Variants in ABI2 observed in about 807,000 individuals in gnomAD.
ABI2 encodes abelson interactor 2.
A neutral mutation model predicts 59.2 loss-of-function variants in ABI2; 25 were observed. That is an observed-to-expected ratio of 0.42 (90% CI 0.31 to 0.59). The LOEUF (loss-of-function observed/expected upper bound fraction) is 0.59, where lower values mean the gene tolerates loss of function less well. Ranked by LOEUF, ABI2 falls within the 20% of genes least tolerant of loss-of-function variation. ABI2 has a pLI of 0.14. For missense variants in ABI2, 545 were observed against 681.8 expected, an observed-to-expected ratio of 0.80 and a Z score of 2.23; for synonymous variants, 213 against 235.5, an observed-to-expected ratio of 0.90 and a Z score of 0.87.
At position 203,328,467 on chromosome 2, in the gene ABI2, C is replaced by G. The variant is rs924775736; in HGVS notation, c.-48C>G. The G allele has an allele frequency of 6.8e-7, 1 of 1,470,866 alleles. No homozygotes were observed. The highest frequency in any genetic ancestry group is 9.3e-7 in the Non-Finnish European group (1 of 1,077,784). The allele number at this position is 1,470,866 out of a possible 1,614,324, so 91.1% of individuals were successfully genotyped here. A position where few individuals can be genotyped will look rare whatever the true frequency, so the allele number is the denominator to read the frequency against. ...TGGGTTTCCTTGGCGCTGCGGCCGC[C>G]GCTCCCTCTGCGACCTGTATGAGGA... is the stretch of plus-strand genomic sequence containing the variant. On this transcript the variant is annotated 5_prime_UTR_variant, in exon 1 of 12. Transcript: ENST00000261018.
chr2:203,345,198 G>A (rs1416301365), intron 1 of ABI2, among the ~76,000 whole-genome samples: 1 of 152,156 alleles, frequency 6.6e-6, no homozygotes, highest in Non-Finnish European at 1.5e-5. Flanking sequence ...CCTGAAGCCA[G>A]CGAGACCACA....
At chr2:203,340,415 G>A (rs568607006) in intron 1 of ABI2, among the ~76,000 whole-genome samples, 97 of 151,822 alleles carry the variant, frequency 6.4e-4, no homozygotes, top group Non-Finnish European at 1.0e-3. Context: ...TACCCAGGCT[G>A]GAGTACAGTG....
chr2:203,390,353 C>T (rs954500009), intron 4 of ABI2, among the ~76,000 whole-genome samples: 11 of 152,180 alleles, frequency 7.2e-5, no homozygotes, highest in South Asian at 2.1e-4. Flanking sequence ...AGTTACTGGC[C>T]GGGTGCAGTG....
At position 203,358,483 on chromosome 2, in the gene ABI2, G is replaced by A. The variant is rs554894686; in HGVS notation, c.118-8394G>A. ...TTTGAACAAACTTAAACAACAAAAC[G>A]TAAATTTATTAGTTATTAATTAAAC... On this transcript the variant is annotated intron_variant, in intron 1 of 11. Transcript: ENST00000261018. Among the ~76,000 whole-genome samples the A allele has an allele frequency of 3.0e-3, 454 of 152,078 alleles. 2 individuals carry two copies. Among genetic ancestry groups the A allele is most frequent in the Non-Finnish European group, 2.5e-3 (168 of 68,002 alleles).
At chr2:203,354,028 G>A (rs2090513345) in intron 1 of ABI2, among the ~76,000 whole-genome samples, 1 of 152,056 alleles carries the variant, frequency 6.6e-6, no homozygotes, top group African/African-American at 2.4e-5. Flanking sequence ...GCATAGAGTG[G>A]ATTGTGATTA....
intron 4 of ABI2, chr2:203,383,229 C>G (rs1200498379): frequency 1.3e-5 from 2 of 154,786 alleles, no homozygotes; most frequent in Non-Finnish European, 2.9e-5. Context: ...ACAACTTTCC[C>G]CTGCCCGTGG....
intron 2 of ABI2, among the ~76,000 whole-genome samples, chr2:203,369,067 C>A (rs2094843348): frequency 1.6e-5 from 2 of 127,102 alleles, no homozygotes; most frequent in Admixed American, 2.0e-4. Flanking sequence ...AAATCCTGGG[C>A]TCAAGCAGTC....
intron 9 of ABI2, chr2:203,403,361 G>A (rs1402621457): frequency 6.5e-6 from 1 of 154,774 alleles, no homozygotes; most frequent in Non-Finnish European, 1.5e-5. Flanking sequence ...TTGTGGACAT[G>A]GTATGTCAAC....
At chr2:203,377,376 A>T (rs753112382) in intron 2 of ABI2, among the ~76,000 whole-genome samples, 6 of 152,194 alleles carry the variant, frequency 3.9e-5, no homozygotes, top group Non-Finnish European at 7.3e-5. Context: ...TAATTCTGTT[A>T]TGGCTGCTCA....
intron 3 of ABI2, 79 bp downstream of exon 3, chr2:203,380,463 C>T: frequency 1.1e-6 from 1 of 945,598 alleles, no homozygotes; most frequent in Non-Finnish European, 1.5e-6. Flanking sequence ...AGCTTTTTAT[C>T]TGTCTTTCTT....
intron 1 of ABI2, among the ~76,000 whole-genome samples, chr2:203,329,659 A>G (rs185216205): frequency 6.6e-6 from 1 of 151,492 alleles, no homozygotes; most frequent in Admixed American, 6.6e-5. Context: ...AATGGAAGCA[A>G]TATGTTAAAC....
Position 203,391,028 on chromosome 2 carries a change from T to C in ABI2, c.481-18T>C, listed in dbSNP as rs1243164979. On this transcript the variant is annotated intron_variant, in intron 4 of 11. Transcript: ENST00000261018. ...TATTTCACTGCATACAAGTTGAGTT[T>C]TCCTTAAAATTTTTTAGGTGAGTAC... 1 of 1,608,290 alleles carries C rather than the reference T, an allele frequency of 6.2e-7. No homozygotes were observed. Among genetic ancestry groups the C allele is most frequent in the East Asian group, 2.2e-5 (1 of 44,846 alleles).
intron 1 of ABI2, among the ~76,000 whole-genome samples, chr2:203,338,968 A>G (rs1439610796): frequency 2.3e-4 from 2 of 8,576 alleles, no homozygotes; most frequent in Admixed American, 3.3e-3. Context: ...ATATAAATAT[A>G]TATATATATA....
At chr2:203,357,100 T>G (rs7563826) in intron 1 of ABI2, among the ~76,000 whole-genome samples, 3 of 152,018 alleles carry the variant, frequency 2.0e-5, no homozygotes, top group Non-Finnish European at 1.5e-5. Context: ...ACACTCAATT[T>G]TTTCCTAATA....
chr2:203,370,003 ATAT>A (rs1577410785), intron 2 of ABI2, among the ~76,000 whole-genome samples: 1 of 152,168 alleles, frequency 6.6e-6, no homozygotes, highest in Non-Finnish European at 1.5e-5. Flanking sequence ...TCAGACTGGA[ATAT>A]TATTCTCTAG....
chr2:203,337,795 C>T (rs1398502544), intron 1 of ABI2, among the ~76,000 whole-genome samples: 1 of 152,294 alleles, frequency 6.6e-6, no homozygotes. Context: ...GTTTGGGAGG[C>T]CTAGGTAGCC....
At chr2:203,338,934 G>T (rs111398594) in intron 1 of ABI2, among the ~76,000 whole-genome samples, 26 of 5,176 alleles carry the variant, frequency 5.0e-3, no homozygotes, top group African/African-American at 9.4e-3. Context: ...GTGTGTATAT[G>T]TATATATATA....
intron 9 of ABI2, among the ~76,000 whole-genome samples, chr2:203,404,816 C>T (rs2097360527): frequency 6.6e-6 from 1 of 152,188 alleles, no homozygotes; most frequent in Non-Finnish European, 1.5e-5. Context: ...GCCTTGGCCT[C>T]CCAAAGTGCT....
In ABI2 at chr2:203,431,396, AG is replaced by A. The variant is rs1233786802; in HGVS notation, c.*4045del. On this transcript the variant is annotated 3_prime_UTR_variant, in exon 12 of 12. Transcript: ENST00000261018. ...GGTGTTTTCAGGAATATACGTGAAA[AG>A]ACATGCCATGTTTTGGTAAATACCA... The A allele has an allele frequency of 6.6e-6, 1 of 152,654 alleles. No individual in the cohort carries two copies. The highest frequency in any genetic ancestry group is 6.5e-5 in the Admixed American group (1 of 15,272). 9.5% of individuals were successfully genotyped at this position (152,654 alleles called of 1,614,324 possible).
Sources: allele counts gnomAD v4.1 joint callset (sites outside exome capture counted in the v4.1 genomes callset), GRCh38; gene constraint gnomAD v4.1.1; transcripts MANE v1.5; gene names NCBI Gene and HGNC (gene_info 2026-07-23, HGNC 2026-07-21).